The following NAP1L1 variants were observed in gnomAD, a reference collection of about 807,000 sequenced individuals.
NAP1L1 encodes nucleosome assembly protein 1-like 1.
Under a neutral mutation model 58.9 loss-of-function variants are expected in NAP1L1, and 9 were observed. That is an observed-to-expected ratio of 0.15 (90% CI 0.09 to 0.27). The LOEUF (loss-of-function observed/expected upper bound fraction) is 0.27, where lower values mean the gene tolerates loss of function less well. Among genes scored for constraint, NAP1L1 ranks in the 10% least tolerant of loss-of-function variants. The pLI, the probability that NAP1L1 is intolerant of heterozygous loss-of-function variation, is 1.00. For synonymous variants in NAP1L1, 130 were observed against 138.3 expected, an observed-to-expected ratio of 0.94 and a Z score of 0.42; for missense variants, 302 against 458.8, an observed-to-expected ratio of 0.66 and a Z score of 3.12.
At chr12:76,080,472 CA>C (rs996833241) in intron 1 of NAP1L1, among the ~76,000 whole-genome samples, 2 of 152,176 alleles carry the variant, frequency 1.3e-5, no homozygotes, top group African/African-American at 4.8e-5. Context: ...CTAGGAACAA[CA>C]AACAGGCTAT....
At chr12:76,073,876 A>G (rs1252401114) in intron 2 of NAP1L1, 1 of 227,578 alleles carries the variant, frequency 4.4e-6, no homozygotes, top group Non-Finnish European at 8.5e-6. Flanking sequence ...GGTACATTAC[A>G]ATGCAAGCAG....
Position 76,048,351 on chromosome 12 carries a change from C to T in NAP1L1, c.*78G>A. On this transcript the variant is annotated 3_prime_UTR_variant, in exon 15 of 15. Transcript: ENST00000618691. The stretch of plus-strand genomic sequence containing the variant: ...CTAGTCTACCAAGAAAATACAAAAA[C>T]ATAAGGCTGTAAGTAAATAAGAGTT... 1 of 1,518,864 alleles carries T rather than the reference C, an allele frequency of 6.6e-7. No individual in the cohort carries two copies. Among genetic ancestry groups the T allele is most frequent in the Admixed American group, 1.9e-5 (1 of 53,616 alleles). 94.1% of individuals were successfully genotyped at this position (1,518,864 alleles called of 1,614,324 possible). A position where few individuals can be genotyped will look rare whatever the true frequency, so the allele number is the denominator to read the frequency against.
chr12:76,066,786 T>A lies in NAP1L1; in HGVS notation c.206+585A>T, dbSNP rs146289710. Among the ~76,000 whole-genome samples the A allele has an allele frequency of 3.3e-5, 5 of 152,232 alleles. No homozygotes were observed. In the East Asian group the frequency reaches 9.6e-4, roughly 29 times the overall value. Reference sequence around the variant, plus strand: ...TCTATGTAGGTGGCAATCCCACTGCTGAGCACACATCTCAAAGAAATTCTC... The same window carrying A: ...TCTATGTAGGTGGCAATCCCACTGCAGAGCACACATCTCAAAGAAATTCTC... On this transcript the variant is annotated intron_variant, in intron 4 of 14. Transcript: ENST00000618691.
chr12:76,056,298 T>C (rs1949082955), intron 6 of NAP1L1, 137 bp from the exon 7 acceptor site: 1 of 853,778 alleles, frequency 1.2e-6, no homozygotes, highest in South Asian at 1.8e-5. Context: ...AACACCGCCG[T>C]TGCCCATAAC....
intron 3 of NAP1L1, 175 bp downstream of exon 3, chr12:76,068,734 T>TCACACACACACACA (rs1334596306): frequency 5.4e-5 from 11 of 203,314 alleles, no homozygotes; most frequent in African/African-American, 4.9e-4. Flanking sequence ...TACCCGCCCC[T>TCACACACACACACA]TACACACACA....
At chr12:76,053,691 C>T in intron 9 of NAP1L1, 79 bp downstream of exon 9, 3 of 1,502,360 alleles carry the variant, frequency 2.0e-6, no homozygotes, top group Non-Finnish European at 2.7e-6. Context: ...ACATATGTAA[C>T]TGAAAATAAC....
At chr12:76,062,117 G>A (rs1339984548) in intron 4 of NAP1L1, among the ~76,000 whole-genome samples, 5 of 152,156 alleles carry the variant, frequency 3.3e-5, no homozygotes, top group African/African-American at 9.7e-5. Context: ...TGCAACAATC[G>A]TTGTCTGTCA....
intron 6 of NAP1L1, among the ~76,000 whole-genome samples, chr12:76,059,089 G>C (rs568074945): frequency 6.6e-6 from 1 of 152,312 alleles, no homozygotes; most frequent in South Asian, 2.1e-4. Flanking sequence ...ACTTATGGAT[G>C]AAAGTATTCA....
At position 76,053,917 on chromosome 12, in the gene NAP1L1, G is replaced by A; in HGVS notation, c.631-8C>T. The A allele has an allele frequency of 6.3e-7, 1 of 1,592,866 alleles. No homozygotes were observed. The highest frequency in any genetic ancestry group is 8.5e-7 in the Non-Finnish European group (1 of 1,174,210). On this transcript the variant is annotated splice_region_variant and splice_polypyrimidine_tract_variant and intron_variant, in intron 8 of 14. Transcript: ENST00000618691. ...AAATTCTAAGACAAAACTCTGGGGA[G>A]AGGAAGCATAAAAATCAGTTAAATA... is the stretch of plus-strand genomic sequence containing the variant.
intron 6 of NAP1L1, chr12:76,056,832 C>A (rs545159438): frequency 4.8e-5 from 15 of 315,228 alleles, no homozygotes; most frequent in African/African-American, 3.3e-4. Context: ...GCCAACATGG[C>A]GAAACCCCAT....
chr12:76,071,388 G>C (rs1185060147), intron 2 of NAP1L1, among the ~76,000 whole-genome samples: 2 of 152,164 alleles, frequency 1.3e-5, no homozygotes, highest in Non-Finnish European at 2.9e-5. Flanking sequence ...AATGAGAGTT[G>C]CAAAGTTAAG....
In NAP1L1 at chr12:76,083,402, T is replaced by G. The variant is rs180758617; in HGVS notation, c.-21+1165A>C. ...GCAGGGGTGGTCCGATCTTTTGGCT[T>G]CCCTGGGCCACACTAGAACTGTCTT... is the stretch of plus-strand genomic sequence containing the variant. On this transcript the variant is annotated intron_variant, in intron 1 of 14. Coordinates refer to ENST00000618691, the MANE Select transcript of NAP1L1 (RefSeq NM_004537.7). Among the ~76,000 whole-genome samples, 3 of 145,986 alleles carry G rather than the reference T, an allele frequency of 2.1e-5. No individual in the cohort carries two copies. The Admixed American group carries it at 2.1e-4, about 10-fold the overall frequency.
At chr12:76,066,097 AAAAT>A (rs763030439) in intron 4 of NAP1L1, among the ~76,000 whole-genome samples, 2,325 of 140,106 alleles carry the variant, frequency 0.017, 28 homozygotes, top group Middle Eastern at 0.029. Flanking sequence ...AGGAGGACCC[AAAAT>A]AAATAAATAA....
intron 4 of NAP1L1, among the ~76,000 whole-genome samples, chr12:76,061,777 A>G (rs1014647699): frequency 2.0e-5 from 3 of 152,254 alleles, no homozygotes; most frequent in African/African-American, 7.2e-5. Flanking sequence ...TAAGATTATT[A>G]GAAATAAAAA....
intron 4 of NAP1L1, among the ~76,000 whole-genome samples, chr12:76,067,054 G>A (rs1173544676): frequency 6.6e-6 from 1 of 152,036 alleles, no homozygotes; most frequent in Non-Finnish European, 1.5e-5. Context: ...TATTAATAAT[G>A]ATTTATGTCA....
At chr12:76,075,768 A>T (rs1381336798) in intron 1 of NAP1L1, among the ~76,000 whole-genome samples, 1 of 152,220 alleles carries the variant, frequency 6.6e-6, no homozygotes, top group African/African-American at 2.4e-5. Flanking sequence ...CTTCTTTTTA[A>T]TACAGGGAAA....
intron 1 of NAP1L1, among the ~76,000 whole-genome samples, chr12:76,076,398 T>G (rs138225542): frequency 4.3e-4 from 66 of 152,116 alleles, no homozygotes; most frequent in Middle Eastern, 6.8e-3. Flanking sequence ...TTCTTTGGGG[T>G]AGCACACAAA....
chr12:76,043,104 C>T lies in NAP1L1; in HGVS notation c.*5325G>A, dbSNP rs768898354. ...AGCGTCTTGTTCACTGCTGCTGCCA[C>T]GTCATTTAACTTACTTTTTCAGTTG... On this transcript the variant is annotated 3_prime_UTR_variant, in exon 15 of 15. Coordinates refer to ENST00000618691, the MANE Select transcript of NAP1L1 (RefSeq NM_004537.7). The T allele has an allele frequency of 1.4e-4, 22 of 152,318 alleles. No homozygotes were observed. The highest frequency in any genetic ancestry group is 3.4e-3 in the Middle Eastern group (1 of 294). The allele number at this position is 152,318 out of a possible 1,614,324, so 9.4% of individuals were successfully genotyped here. A position where few individuals can be genotyped will look rare whatever the true frequency, so the allele number is the denominator to read the frequency against.
rs373483537 is a variant in NAP1L1 at position 76,058,150 on chromosome 12, T to C, written c.429+1648A>G. On this transcript the variant is annotated intron_variant, in intron 6 of 14. Transcript: ENST00000618691. ...AATTTGAAAATTTGTCTGTAGTTAATGGCCTGAACTGACAGTAGATATGGC... is the reference window on the plus strand; with the variant it reads ...AATTTGAAAATTTGTCTGTAGTTAACGGCCTGAACTGACAGTAGATATGGC... The C allele has an allele frequency of 3.2e-3, 2,115 of 659,224 alleles. 43 individuals carry two copies. Among genetic ancestry groups the C allele is most frequent in the South Asian group, 0.029 (2,056 of 71,400 alleles). 40.8% of individuals were successfully genotyped at this position (659,224 alleles called of 1,614,324 possible).
Sources: allele counts gnomAD v4.1 joint callset (sites outside exome capture counted in the v4.1 genomes callset), GRCh38; gene constraint gnomAD v4.1.1; transcripts MANE v1.5; gene names NCBI Gene and HGNC (gene_info 2026-07-23, HGNC 2026-07-21).